The following RBM19 variants were observed in gnomAD, a reference collection of about 807,000 sequenced individuals.
RBM19 encodes the protein probable RNA-binding protein 19.
In RBM19, 94 loss-of-function variants were observed where a neutral mutation model predicts 116.8. The observed-to-expected ratio is 0.80, with a 90% confidence interval of 0.68 to 0.95. The LOEUF is 0.95. RBM19 is among the 40% of genes least tolerant of loss of function. The probability of loss-of-function intolerance (pLI) is 0.00; values close to 1 mark genes in which losing one functional copy is unlikely to be tolerated. For synonymous variants in RBM19, 475 were observed against 494.1 expected, an observed-to-expected ratio of 0.96 and a Z score of 0.51; for missense variants, 1,161 against 1,220.7, an observed-to-expected ratio of 0.95 and a Z score of 0.73.
intron 18 of RBM19, among the ~76,000 whole-genome samples, chr12:113,923,457 C>T (rs1253662760): frequency 2.6e-5 from 4 of 152,178 alleles, no homozygotes; most frequent in East Asian, 1.9e-4. Context: ...GCCCGGCAAA[C>T]GAATACAAGG....
At chr12:113,943,373 C>A (rs972602842) in intron 13 of RBM19, among the ~76,000 whole-genome samples, 5 of 152,312 alleles carry the variant, frequency 3.3e-5, no homozygotes, top group African/African-American at 1.2e-4. Context: ...CCATCCAACA[C>A]AGTGCCACAA....
intron 6 of RBM19, among the ~76,000 whole-genome samples, chr12:113,955,844 C>T (rs1002434067): frequency 1.3e-5 from 2 of 152,138 alleles, no homozygotes; most frequent in African/African-American, 4.8e-5. Flanking sequence ...TGCGCTTGAC[C>T]GTGGGGTGCT....
chr12:113,895,977 C>T (rs1881295873), intron 21 of RBM19, among the ~76,000 whole-genome samples: 1 of 151,912 alleles, frequency 6.6e-6, no homozygotes, highest in South Asian at 2.1e-4. Context: ...TCTCTATACA[C>T]ATATCTATAG....
At chr12:113,921,565 G>A (rs972014639) in intron 18 of RBM19, among the ~76,000 whole-genome samples, 5 of 152,158 alleles carry the variant, frequency 3.3e-5, no homozygotes, top group Non-Finnish European at 5.9e-5. Context: ...TGAGACCTAT[G>A]CTCCTGCCTT....
At chr12:113,928,417 T>C (rs369277023) in intron 16 of RBM19, among the ~76,000 whole-genome samples, 19 of 136,344 alleles carry the variant, frequency 1.4e-4, no homozygotes, top group South Asian at 2.7e-4. Flanking sequence ...TACATGTGCA[T>C]ACACACACAC....
intron 21 of RBM19, among the ~76,000 whole-genome samples, chr12:113,911,883 C>T (rs997545680): frequency 6.6e-6 from 1 of 152,142 alleles, no homozygotes; most frequent in African/African-American, 2.4e-5. Context: ...GTGTTACTAC[C>T]ACTAGTTTAT....
At chr12:113,912,634 GT>G (rs1239824862) in intron 21 of RBM19, among the ~76,000 whole-genome samples, 1 of 152,226 alleles carries the variant, frequency 6.6e-6, no homozygotes, top group African/African-American at 2.4e-5. Flanking sequence ...CTTAAAAGAG[GT>G]GATTCTGCAC....
At chr12:113,846,303 G>C (rs1325512331) in intron 22 of RBM19, among the ~76,000 whole-genome samples, 2 of 152,172 alleles carry the variant, frequency 1.3e-5, no homozygotes. Context: ...GAAGGGTCTG[G>C]ATGGGAACCC....
intron 21 of RBM19, among the ~76,000 whole-genome samples, chr12:113,905,887 A>G (rs951733086): frequency 2.6e-5 from 4 of 152,232 alleles, no homozygotes; most frequent in Non-Finnish European, 5.9e-5. Context: ...TCAGGGAAGC[A>G]CAGATTAGAA....
intron 21 of RBM19, among the ~76,000 whole-genome samples, chr12:113,911,624 T>C (rs1014126707): frequency 6.6e-6 from 1 of 152,166 alleles, no homozygotes; most frequent in South Asian, 2.1e-4. Flanking sequence ...TTAATCCTTA[T>C]AGTCCTTGAG....
At chr12:113,834,948 A>G (rs1875746992) in intron 23 of RBM19, among the ~76,000 whole-genome samples, 1 of 152,204 alleles carries the variant, frequency 6.6e-6, no homozygotes, top group Non-Finnish European at 1.5e-5. Context: ...TGGTAGGTCC[A>G]TGACAAAGCT....
intron 16 of RBM19, among the ~76,000 whole-genome samples, chr12:113,928,945 C>T (rs1869365660): frequency 6.6e-6 from 1 of 152,100 alleles, no homozygotes; most frequent in African/African-American, 2.4e-5. Flanking sequence ...CTTAGCAACT[C>T]TTCAAAGCAG....
chr12:113,825,718 C>G lies in RBM19; in HGVS notation c.2786-2397G>C, dbSNP rs1159672573. Among the ~76,000 whole-genome samples the G allele has an allele frequency of 2.0e-5, 3 of 149,756 alleles. No homozygotes were observed. The highest frequency in any genetic ancestry group is 4.4e-5 in the Non-Finnish European group (3 of 68,002). Reference sequence around the variant, plus strand: ...GGGACTGGCGAGGGGCGAGTTCTAGCCCCATCCATTGTGTCGGCTCAACCT... The same window carrying G: ...GGGACTGGCGAGGGGCGAGTTCTAGGCCCATCCATTGTGTCGGCTCAACCT... On this transcript the variant is annotated intron_variant, in intron 23 of 23. Coordinates refer to ENST00000261741, the MANE Select transcript of RBM19 (RefSeq NM_016196.4). This position sits in a 1 kb window ranked among gnomAD's most constrained non-coding sequence, Gnocchi z 5.7.
chr12:113,839,868 G>C (rs1254883162), intron 23 of RBM19, among the ~76,000 whole-genome samples: 1 of 152,224 alleles, frequency 6.6e-6, no homozygotes, highest in Non-Finnish European at 1.5e-5. Context: ...CCAGAATGCA[G>C]AATCTGGGTC....
chr12:113,853,946 T>C (rs1242265585), intron 22 of RBM19, among the ~76,000 whole-genome samples: 1 of 151,928 alleles, frequency 6.6e-6, no homozygotes, highest in Non-Finnish European at 1.5e-5. Context: ...GTCCTTCTCC[T>C]TGGTGAGGTG....
At position 113,949,129 on chromosome 12, in the gene RBM19, C is replaced by CA. The variant is rs1402399401; in HGVS notation, c.1073-94dup. On this transcript the variant is annotated intron_variant, in intron 9 of 23. Transcript: ENST00000261741. ...CTCCAAACTCTTCTCTGCTGCCTTCCAAAAAACACAATCAAGGTGGCAGAT... is the reference window on the plus strand; with the variant it reads ...CTCCAAACTCTTCTCTGCTGCCTTCCAAAAAAACACAATCAAGGTGGCAGAT... The CA allele has an allele frequency of 3.0e-5, 35 of 1,170,994 alleles. No homozygotes were observed. The African/African-American group carries it at 5.2e-4, about 17-fold the overall frequency. The allele number at this position is 1,170,994 out of a possible 1,614,324, so 72.5% of individuals were successfully genotyped here.
rs568119854 is a variant in RBM19 at position 113,851,112 on chromosome 12, A to G, written c.2665-6324T>C. Among the ~76,000 whole-genome samples the G allele has an allele frequency of 1.2e-4, 18 of 152,334 alleles. No individual in the cohort carries two copies. In the East Asian group the frequency reaches 2.9e-3, roughly 25 times the overall value. On this transcript the variant is annotated intron_variant, in intron 22 of 23. Transcript: ENST00000261741. ...CATCCTCACAGGGTAGCTGTCTGCT[A>G]GGCAGGAGTTTGCCCAGAATAAGTT...
intron 21 of RBM19, among the ~76,000 whole-genome samples, chr12:113,865,838 A>G (rs1016196033): frequency 2.6e-4 from 38 of 144,132 alleles, no homozygotes; most frequent in East Asian, 1.4e-3. Context: ...AAAAAAAAAA[A>G]GGGGGCAGGG....
rs577265818 is a variant in RBM19 at position 113,946,180 on chromosome 12, A to G, written c.1529+174T>C. 2.0e-5 allele frequency among the ~76,000 whole-genome samples: 3 copies of G among 152,326 alleles called. No individual in the cohort carries two copies. The East Asian group carries it at 5.8e-4, about 29-fold the overall frequency. On this transcript the variant is annotated intron_variant, in intron 12 of 23. Transcript: ENST00000261741. ...TCACTCATTTAAACCTTACAGCACC[A>G]TAAAAGTAAGGCACTACTATTATTC...
Sources: allele counts gnomAD v4.1 joint callset (sites outside exome capture counted in the v4.1 genomes callset), GRCh38; gene constraint gnomAD v4.1.1; non-coding constraint Gnocchi (gnomAD v3.1); transcripts MANE v1.5; gene names NCBI Gene and HGNC (gene_info 2026-07-23, HGNC 2026-07-21).